PCDHA2: variants seen among roughly 807,000 people sequenced by gnomAD.
PCDHA2 encodes protocadherin alpha-2.
In PCDHA2, 58 loss-of-function variants were observed where a neutral mutation model predicts 66.0. The observed-to-expected ratio is 0.88, with a 90% CI of 0.71 to 1.09. PCDHA2 has a LOEUF of 1.09. Ranked by LOEUF, PCDHA2 falls within the 50% of genes least tolerant of loss-of-function variation. The probability of loss-of-function intolerance (pLI) is 0.00; values close to 1 mark genes in which losing one functional copy is unlikely to be tolerated. For missense variants in PCDHA2, 1,267 were observed against 1,242.3 expected (o/e 1.02, Z -0.30); for synonymous variants, 634 against 554.0 (o/e 1.14, Z -2.03).
chr5:140,883,970 C>A (rs1554180846), intron 1 of PCDHA2: 1 of 1,612,990 alleles, frequency 6.2e-7, no homozygotes, highest in South Asian at 1.1e-5. Context: ...GCTGCTGACG[C>A]CCGGGGCTGG....
At chr5:140,893,336 A>G (rs2063930718) in intron 1 of PCDHA2, among the ~76,000 whole-genome samples, 1 of 152,098 alleles carries the variant, frequency 6.6e-6, no homozygotes, top group Admixed American at 6.6e-5. Context: ...TGTTTTCCTT[A>G]GTGGCAGTGC....
Position 140,928,935 on chromosome 5 carries a change from C to G in PCDHA2, c.2389-50014C>G, listed in dbSNP as rs782430427. On this transcript the variant is annotated intron_variant, in intron 1 of 3. Transcript: ENST00000526136. ...CAGGAGGGCAGCTTTCTGCCCAGAA[C>G]TTGTATTTAGTAATTGCCTTGGCTT... The G allele has an allele frequency of 2.5e-6, 4 of 1,613,984 alleles. No individual in the cohort carries two copies. The East Asian group carries it at 8.9e-5, about 36-fold the overall frequency.
intron 1 of PCDHA2, chr5:140,802,986 G>A: frequency 6.2e-7 from 1 of 1,614,030 alleles, no homozygotes; most frequent in Non-Finnish European, 8.5e-7. Context: ...GGTGCGCGCA[G>A]TGGATGCAGA....
intron 1 of PCDHA2, among the ~76,000 whole-genome samples, chr5:140,953,480 T>C (rs782804804): frequency 2.6e-5 from 4 of 152,194 alleles, no homozygotes; most frequent in Non-Finnish European, 5.9e-5. Flanking sequence ...CCTCATGCTG[T>C]GTCACAACCT....
intron 1 of PCDHA2, chr5:140,870,979 T>C: frequency 6.2e-7 from 1 of 1,613,556 alleles, no homozygotes; most frequent in Non-Finnish European, 8.5e-7. Flanking sequence ...CGTGGGGCTG[T>C]ACACGGGCGA....
At chr5:140,875,182 A>T in intron 1 of PCDHA2, 1 of 450,902 alleles carries the variant, frequency 2.2e-6, no homozygotes. Context: ...CATTAGAATT[A>T]AGAGTGACCC....
intron 1 of PCDHA2, chr5:140,807,031 G>T: frequency 1.1e-6 from 1 of 901,874 alleles, no homozygotes; most frequent in Non-Finnish European, 1.7e-6. Flanking sequence ...GAAGGAGGAA[G>T]AAGGGAAAAT....
intron 3 of PCDHA2, among the ~76,000 whole-genome samples, chr5:140,991,573 G>C (rs1406319253): frequency 2.0e-5 from 3 of 152,036 alleles, no homozygotes; most frequent in Non-Finnish European, 4.4e-5. Context: ...CCAATAACAG[G>C]CTCCTTATTT....
chr5:140,823,689 G>T, intron 1 of PCDHA2: 4 of 1,613,998 alleles, frequency 2.5e-6, no homozygotes, highest in Non-Finnish European at 3.4e-6. Context: ...CTCTGGATGA[G>T]ACCGAAGCAC....
rs2126645521 is a variant in PCDHA2, at chr5:140,813,313, C to T, written c.2388+15961C>T. ...TTCTGAGATTTCATCACTGTGCAAA[C>T]ATGAGAGTGTACTTACATATTTACA... On this transcript the variant is annotated intron_variant, in intron 1 of 3. Coordinates refer to ENST00000526136, the MANE Select transcript of PCDHA2 (RefSeq NM_018905.3). The T allele has an allele frequency of 1.1e-4, 17 of 152,282 alleles. 1 individual carries two copies. The South Asian group carries it at 3.5e-3, about 32-fold the overall frequency. The allele number at this position is 152,282 out of a possible 1,614,324, so 9.4% of individuals were successfully genotyped here.
chr5:140,928,687 C>G (rs782599747), intron 1 of PCDHA2: 1 of 1,614,142 alleles, frequency 6.2e-7, no homozygotes, highest in Non-Finnish European at 8.5e-7. Flanking sequence ...GCTTTCCTAC[C>G]ACATCTCCCG....
At chr5:140,927,040 A>G in intron 1 of PCDHA2, 1 of 1,612,350 alleles carries the variant, frequency 6.2e-7, no homozygotes, top group Non-Finnish European at 8.5e-7. Context: ...AGCGGCCGCT[A>G]TGTCCTCGCG....
At chr5:140,955,130 T>A (rs1173088504) in intron 1 of PCDHA2, among the ~76,000 whole-genome samples, 1 of 152,228 alleles carries the variant, frequency 6.6e-6, no homozygotes, top group African/African-American at 2.4e-5. Context: ...TCCACTGGTC[T>A]ACACGTCTGT....
chr5:140,960,612 G>C (rs1467595478), intron 1 of PCDHA2, among the ~76,000 whole-genome samples: 1 of 152,110 alleles, frequency 6.6e-6, no homozygotes, highest in Non-Finnish European at 1.5e-5. Context: ...ACAATATCTA[G>C]TGTGTTTTTG....
chr5:140,807,419 A>C lies in PCDHA2; in HGVS notation c.2388+10067A>C, dbSNP rs1226782734. On this transcript the variant is annotated intron_variant, in intron 1 of 3. Coordinates refer to ENST00000526136, the MANE Select transcript of PCDHA2 (RefSeq NM_018905.3). ...GGGCCGCGGAGGCCTTCTGGAGGTA[A>C]ATCTGCAGAATGGCATTTTGTTTGT... 2 of 1,591,556 alleles carry C rather than the reference A, an allele frequency of 1.3e-6. No homozygotes were observed. Among genetic ancestry groups the C allele is most frequent in the Non-Finnish European group, 1.7e-6 (2 of 1,171,160 alleles).
chr5:140,901,557 A>G (rs782333756), intron 1 of PCDHA2, among the ~76,000 whole-genome samples: 4 of 152,034 alleles, frequency 2.6e-5, no homozygotes, highest in Non-Finnish European at 5.9e-5. Context: ...CCATTCATCT[A>G]TGTGTCTGTT....
chr5:140,903,349 A>T (rs1191077377), intron 1 of PCDHA2, among the ~76,000 whole-genome samples: 1 of 152,240 alleles, frequency 6.6e-6, no homozygotes, highest in Non-Finnish European at 1.5e-5. Flanking sequence ...ATTTTAAAAA[A>T]CAAGTTTTTC....
At position 140,870,679 on chromosome 5, in the gene PCDHA2, G is replaced by C. The variant is rs202117527; in HGVS notation, c.2388+73327G>C. ...CGCGCTGCAGCCGTTGGACCACGAG[G>C]AGCTGGAGCTGCTACAGTTCCAGGT... On this transcript the variant is annotated intron_variant, in intron 1 of 3. Coordinates refer to ENST00000526136, the MANE Select transcript of PCDHA2 (RefSeq NM_018905.3). 1.0e-4 allele frequency: 164 copies of C among 1,612,742 alleles called. No individual in the cohort carries two copies. The African/African-American group carries it at 1.9e-3, about 19-fold the overall frequency.
At chr5:140,910,428 G>A (rs2075029085) in intron 1 of PCDHA2, among the ~76,000 whole-genome samples, 1 of 152,130 alleles carries the variant, frequency 6.6e-6, no homozygotes, top group Admixed American at 6.5e-5. Flanking sequence ...TATTCCCATT[G>A]CATTTAAGTT....
Sources: allele counts gnomAD v4.1 joint callset (sites outside exome capture counted in the v4.1 genomes callset), GRCh38; gene constraint gnomAD v4.1.1; transcripts MANE v1.5; gene names NCBI Gene and HGNC (gene_info 2026-07-23, HGNC 2026-07-21).